ABR: variants seen among roughly 807,000 people sequenced by gnomAD.
ABR encodes the protein active breakpoint cluster region-related protein.
ABR carries 35 observed loss-of-function variants against 107.2 expected under a neutral mutation model. The observed-to-expected ratio is 0.33, with a 90% CI of 0.25 to 0.43. The LOEUF (loss-of-function observed/expected upper bound fraction) is 0.43, where lower values mean the gene tolerates loss of function less well. ABR is among the 20% of genes least tolerant of loss of function. The pLI, the probability that ABR is intolerant of heterozygous loss-of-function variation, is 1.00. For missense variants in ABR, 815 were observed against 1,115.2 expected, an observed-to-expected ratio of 0.73 and a Z score of 3.83; for synonymous variants, 498 against 462.0, an observed-to-expected ratio of 1.08 and a Z score of -1.00.
chr17:1,147,330 G>C (rs770694497), intron 1 of ABR, among the ~76,000 whole-genome samples: 19 of 151,582 alleles, frequency 1.3e-4, no homozygotes, highest in Non-Finnish European at 2.1e-4. Flanking sequence ...TAAGTGATGA[G>C]GATTTCAGCA....
rs146943191 is a variant in ABR at position 1,005,468 on chromosome 17, C to T, written c.*612G>A. On this transcript the variant is annotated 3_prime_UTR_variant, in exon 23 of 23. Coordinates refer to ENST00000302538, the MANE Select transcript of ABR (RefSeq NM_021962.5). ...CCAAAGGCGGAGTCTGAGGAGGGGC[C>T]GGCAGCGGCAAACGGCAGCATCAAA... is the stretch of plus-strand genomic sequence containing the variant. 1.8e-3 allele frequency: 483 copies of T among 274,334 alleles called. 4 individuals carry two copies. The highest frequency in any genetic ancestry group is 9.4e-3 in the African/African-American group (430 of 45,918). The allele number at this position is 274,334 out of a possible 1,614,324, so 17.0% of individuals were successfully genotyped here.
chr17:1,138,718 G>A (rs1597945985), intron 1 of ABR, among the ~76,000 whole-genome samples: 2 of 152,132 alleles, frequency 1.3e-5, no homozygotes, highest in East Asian at 3.9e-4. Flanking sequence ...GCCTCAAAGA[G>A]TCCTCCACTT....
At chr17:1,190,912 G>A (rs2042416835), upstream of ABR, among the ~76,000 whole-genome samples, 1 of 152,216 alleles carries the variant, frequency 6.6e-6, no homozygotes. Context: ...TTCAATGATG[G>A]GAGAAATATG....
intron 16 of ABR, among the ~76,000 whole-genome samples, chr17:1,018,129 G>C (rs578082964): frequency 2.0e-5 from 3 of 151,162 alleles, no homozygotes; most frequent in East Asian, 3.9e-4. Context: ...TGCAAGCTCC[G>C]CCTCCCGGGT....
intron 2 of ABR, among the ~76,000 whole-genome samples, chr17:1,113,761 T>A (rs2038850205): frequency 6.6e-6 from 1 of 152,220 alleles, no homozygotes; most frequent in Non-Finnish European, 1.5e-5. Context: ...CTAACAATTC[T>A]AACTCTGTAG....
At chr17:1,131,031 C>G (rs1218558056) in intron 1 of ABR, among the ~76,000 whole-genome samples, 1 of 149,012 alleles carries the variant, frequency 6.7e-6, no homozygotes. Flanking sequence ...GCGCCTGACA[C>G]GCACACAGCT....
upstream of ABR, among the ~76,000 whole-genome samples, chr17:1,183,731 C>G (rs2042206477): frequency 2.0e-5 from 3 of 152,152 alleles, no homozygotes; most frequent in Non-Finnish European, 2.9e-5. Flanking sequence ...GAGGTCACCG[C>G]TGATGACAAA....
intron 2 of ABR, among the ~76,000 whole-genome samples, chr17:1,111,285 G>C (rs1032501521): frequency 2.0e-5 from 3 of 152,120 alleles, no homozygotes; most frequent in Non-Finnish European, 4.4e-5. Context: ...CCCCACACAA[G>C]TGACTCCCTG....
rs35236437 is a variant in ABR at position 1,005,655 on chromosome 17, AAG to A, written c.*423_*424del. 85,342 of 204,772 alleles carry A rather than the reference AAG, an allele frequency of 0.42. 19,052 individuals carry two copies. The highest frequency in any genetic ancestry group is 0.48 in the Non-Finnish European group (47,896 of 100,820). 12.7% of individuals were successfully genotyped at this position (204,772 alleles called of 1,614,324 possible). A position where few individuals can be genotyped will look rare whatever the true frequency, so the allele number is the denominator to read the frequency against. On this transcript the variant is annotated 3_prime_UTR_variant, in exon 23 of 23. Coordinates refer to ENST00000302538, the MANE Select transcript of ABR (RefSeq NM_021962.5). ...GAGACCGCCATCTGGGAGCAGGGCC[AAG>A]AGAGAAGCTGGCAGCAGTTACACAG...
At chr17:1,123,436 C>T (rs918513304) in intron 2 of ABR, among the ~76,000 whole-genome samples, 2 of 152,182 alleles carry the variant, frequency 1.3e-5, no homozygotes, top group Admixed American at 6.5e-5. Flanking sequence ...AGCCCCGGAG[C>T]GCCAGGCGGG....
At chr17:1,114,567 GT>G (rs1361940193) in intron 2 of ABR, among the ~76,000 whole-genome samples, 5 of 152,148 alleles carry the variant, frequency 3.3e-5, no homozygotes, top group African/African-American at 1.2e-4. Flanking sequence ...GAGGTCAGGA[GT>G]TTGAGACCAT....
At chr17:1,104,761 T>C (rs2151367150) in intron 2 of ABR, among the ~76,000 whole-genome samples, 1 of 152,322 alleles carries the variant, frequency 6.6e-6, no homozygotes, top group Middle Eastern at 3.4e-3. Context: ...TGGCAGAATT[T>C]AGAACAGAGA....
Position 1,179,710 on chromosome 17 carries a change from G to T in ABR, c.18C>A (p.His6Gln). 1 of 1,557,696 alleles carries T rather than the reference G, an allele frequency of 6.4e-7. No individual in the cohort carries two copies. The highest frequency in any genetic ancestry group is 8.7e-7 in the Non-Finnish European group (1 of 1,152,556). MEPLS[H>Q]RGLPRLSWID... The stretch of plus-strand genomic sequence containing the variant: ...TCCAGGACAGGCGCGGCAGGCCCCG[G>T]TGGCTGAGCGGCTCCATCCCGCGGC... Residue 6 changes from histidine to glutamine, a missense_variant, in exon 1 of 23, where the codon CAC becomes CAA. By Grantham distance (24) the His-to-Gln change is conservative (BLOSUM62 0). Around this residue, in one of 5 missense-constraint regions of ABR, gnomAD observed 129 missense variants for 124.8 expected, o/e 1.03. Transcript: ENST00000302538. This position sits in a 1 kb window ranked among gnomAD's most constrained non-coding sequence, Gnocchi z 4.9.
At chr17:1,029,920 G>A (rs7226141) in intron 16 of ABR, among the ~76,000 whole-genome samples, 101,121 of 133,496 alleles carry the variant, frequency 0.76, 39,731 homozygotes, top group East Asian at 0.99. Context: ...CCCTCCGTCC[G>A]CCACAGCGCT....
chr17:1,141,420 G>A (rs2040279077), intron 1 of ABR, among the ~76,000 whole-genome samples: 1 of 152,172 alleles, frequency 6.6e-6, no homozygotes, highest in Admixed American at 6.5e-5. Flanking sequence ...GTGACCTTGG[G>A]CAAGCTACTT....
chr17:1,224,228 C>G lies in ABR; in HGVS notation c.838+4565G>C, dbSNP rs567154321. Among the ~76,000 whole-genome samples, 4 of 152,170 alleles carry G rather than the reference C, an allele frequency of 2.6e-5. No individual in the cohort carries two copies. In the South Asian group the frequency reaches 8.3e-4, roughly 32 times the overall value. On this transcript the variant is annotated intron_variant, in intron 1 of 22. Transcript: ENST00000574139. ...CCCCTCACTCCTCACCACACCAACA[C>G]GGCCTGGTCTTTGTCTTTCCTGGTA...
intron 16 of ABR, among the ~76,000 whole-genome samples, chr17:1,018,327 C>T (rs937827406): frequency 6.6e-6 from 1 of 152,222 alleles, no homozygotes; most frequent in Non-Finnish European, 1.5e-5. Context: ...CGGGCGTGAG[C>T]CACCACGCCT....
intron 1 of ABR, among the ~76,000 whole-genome samples, chr17:1,193,482 G>GC (rs1205385631): frequency 6.6e-6 from 1 of 152,132 alleles, no homozygotes; most frequent in African/African-American, 2.4e-5. Context: ...AGTTCACACT[G>GC]CTAGTGAGTG....
At chr17:1,176,022 T>C (rs1202316778) in intron 1 of ABR, among the ~76,000 whole-genome samples, 2 of 150,046 alleles carry the variant, frequency 1.3e-5, no homozygotes, top group Non-Finnish European at 3.0e-5. Flanking sequence ...ACCTGGGAGG[T>C]GGAGCTTGCA....
Sources: gnomAD v4.1 joint callset for allele counts (sites outside exome capture counted in the v4.1 genomes callset) on GRCh38, gnomAD v4.1.1 for gene constraint, gnomAD v4.1.1 regional missense constraint, Gnocchi (gnomAD v3.1) non-coding constraint, MANE v1.5 for transcripts, NCBI Gene and HGNC (gene_info 2026-07-23, HGNC 2026-07-21) for gene names.